PLAG1: variants seen among roughly 807,000 people sequenced by gnomAD.
PLAG1 encodes zinc finger protein PLAG1.
A neutral mutation model predicts 35.5 loss-of-function variants in PLAG1; 7 were observed. That is an observed-to-expected ratio of 0.20 (90% CI 0.11 to 0.37). The LOEUF (loss-of-function observed/expected upper bound fraction) is 0.37, where lower values mean the gene tolerates loss of function less well. Ranked by LOEUF, PLAG1 falls within the 10% of genes least tolerant of loss-of-function variation. The pLI is 1.00. For missense variants in PLAG1, 454 were observed against 602.8 expected, an observed-to-expected ratio of 0.75 and a Z score of 2.58; for synonymous variants, 229 against 225.4, an observed-to-expected ratio of 1.02 and a Z score of -0.14.
At chr8:56,172,747 T>C (rs1811568880) in intron 2 of PLAG1, among the ~76,000 whole-genome samples, 1 of 152,174 alleles carries the variant, frequency 6.6e-6, no homozygotes, top group Non-Finnish European at 1.5e-5. Flanking sequence ...TTCTACTGTT[T>C]TCTATGACAA....
intron 1 of PLAG1, among the ~76,000 whole-genome samples, chr8:56,192,253 T>C (rs558483682): frequency 6.6e-6 from 1 of 152,316 alleles, no homozygotes; most frequent in East Asian, 1.9e-4. Flanking sequence ...TGGGCACTTA[T>C]CTTTTCGCCC....
In PLAG1 at chr8:56,167,750, T is replaced by C. The variant is rs1394922675; in HGVS notation, c.243-247A>G. On this transcript the variant is annotated intron_variant, in intron 4 of 4. Transcript: ENST00000316981. The surrounding 1 kb of genome is among the most constrained non-coding windows in gnomAD (Gnocchi z 5.9). ...ACAAAAGCAAATGAGCAAGACTGAA[T>C]ATACTCACGTAAACGTCCTTACCCT... Among the ~76,000 whole-genome samples the C allele has an allele frequency of 6.6e-6, 1 of 152,248 alleles. No homozygotes were observed. Among genetic ancestry groups the C allele is most frequent in the East Asian group, 1.9e-4 (1 of 5,202 alleles).
chr8:56,185,299 C>T (rs1330599830), intron 1 of PLAG1, among the ~76,000 whole-genome samples: 1 of 152,136 alleles, frequency 6.6e-6, no homozygotes, highest in Non-Finnish European at 1.5e-5. Flanking sequence ...GTGATGGTTT[C>T]AGGGACGTAT....
intron 1 of PLAG1, among the ~76,000 whole-genome samples, chr8:56,192,678 C>T (rs548969308): frequency 1.3e-5 from 2 of 152,322 alleles, no homozygotes; most frequent in East Asian, 3.9e-4. Context: ...GCTATATTCA[C>T]TATATTGGTA....
intron 2 of PLAG1, 77 bp from the exon 3 acceptor site, chr8:56,171,266 A>T (rs1304902181): frequency 4.7e-6 from 1 of 211,672 alleles, no homozygotes; most frequent in Non-Finnish European, 8.2e-6. Flanking sequence ...AGGATAAAAG[A>T]ATTGCAGTTT....
rs527954259 is a variant in PLAG1 at position 56,210,768 on chromosome 8, AGAGGAG to A, written c.-322+347_-322+352del. Among the ~76,000 whole-genome samples the A allele has an allele frequency of 3.0e-3, 446 of 149,410 alleles. 2 individuals are homozygous for A. The highest frequency in any genetic ancestry group is 0.028 in the Middle Eastern group (8 of 282). ...GCTGTCACAATATTCACAGCACCAGAGAGGAGGAGGAGGAGGAGGAGGAGGAAAACT... is the reference window on the plus strand; with the variant it reads ...GCTGTCACAATATTCACAGCACCAGAGAGGAGGAGGAGGAGGAGGAAAACT... On this transcript the variant is annotated intron_variant, in intron 1 of 4. Transcript: ENST00000316981.
In PLAG1 at chr8:56,166,620, C is replaced by G. The variant is rs767203369; in HGVS notation, c.1126G>C (p.Ala376Pro). The change falls in exon 5 of 5, where the codon GCA (alanine) becomes CCA (proline). Residue 376 changes from alanine (A) to proline (P), a missense_variant. This residue lies in a region of PLAG1 where 271 missense variants were observed against 315.6 expected (regional missense o/e 0.86). Coordinates refer to ENST00000316981, the MANE Select transcript of PLAG1 (RefSeq NM_002655.3). Reference protein sequence around the residue: ...GVPSSSQDSQASSSSKLGLDP... With the variant: ...GVPSSSQDSQPSSSSKLGLDP... ...AACCCTAGCTTAGATGATGACGATG[C>G]TTGAGAATCTTGGGATGAAGAGGGC... 1.2e-6 allele frequency: 2 copies of G among 1,614,058 alleles called. No homozygotes were observed. The highest frequency in any genetic ancestry group is 1.7e-6 in the Non-Finnish European group (2 of 1,179,974).
chr8:56,208,961 T>C (rs2129236663), intron 1 of PLAG1, among the ~76,000 whole-genome samples: 1 of 152,322 alleles, frequency 6.6e-6, no homozygotes, highest in East Asian at 1.9e-4. Context: ...ATGTGTAAAC[T>C]TTTCCATGGT....
intron 1 of PLAG1, among the ~76,000 whole-genome samples, chr8:56,187,986 T>C (rs1489336348): frequency 6.6e-6 from 1 of 152,226 alleles, no homozygotes; most frequent in Non-Finnish European, 1.5e-5. Flanking sequence ...AGCAATGGAC[T>C]GACCCCTGTT....
intron 1 of PLAG1, among the ~76,000 whole-genome samples, chr8:56,210,667 C>T (rs1812860015): frequency 6.6e-6 from 1 of 152,074 alleles, no homozygotes; most frequent in South Asian, 2.1e-4. Context: ...AGTTTACTCT[C>T]AAAACTGAAT....
chr8:56,170,059 A>T (rs1269583256), intron 3 of PLAG1, among the ~76,000 whole-genome samples: 1 of 152,230 alleles, frequency 6.6e-6, no homozygotes, highest in Non-Finnish European at 1.5e-5. Flanking sequence ...TCTATGTTAC[A>T]ATAGGTCTAA....
intron 1 of PLAG1, among the ~76,000 whole-genome samples, chr8:56,205,273 T>G (rs1255686014): frequency 6.6e-6 from 1 of 151,852 alleles, no homozygotes; most frequent in Non-Finnish European, 1.5e-5. Flanking sequence ...CTCAGGACAC[T>G]TCACGAAGAC....
intron 1 of PLAG1, among the ~76,000 whole-genome samples, chr8:56,189,728 C>A (rs546330372): frequency 6.6e-6 from 1 of 152,180 alleles, no homozygotes; most frequent in Non-Finnish European, 1.5e-5. Flanking sequence ...GAATTTGGGA[C>A]AAAAGAGCCA....
At chr8:56,201,518 G>A (rs1054386711) in intron 1 of PLAG1, among the ~76,000 whole-genome samples, 5 of 152,016 alleles carry the variant, frequency 3.3e-5, no homozygotes, top group East Asian at 1.9e-4. Context: ...TTTCTAACTC[G>A]AATTACTCTG....
intron 2 of PLAG1, among the ~76,000 whole-genome samples, chr8:56,173,817 C>T (rs553486318): frequency 2.2e-4 from 34 of 152,144 alleles, no homozygotes; most frequent in African/African-American, 7.2e-4. Context: ...GAGAGTATGG[C>T]GTGTTTGTGC....
At chr8:56,186,874 G>A (rs997964189) in intron 1 of PLAG1, among the ~76,000 whole-genome samples, 22 of 151,808 alleles carry the variant, frequency 1.4e-4, no homozygotes, top group Non-Finnish European at 2.5e-4. Context: ...GCTCTACCAC[G>A]CCTGGCTAAT....
Position 56,167,321 on chromosome 8 carries a change from A to C in PLAG1, c.425T>G (p.Leu142Trp). The C allele has an allele frequency of 6.2e-7, 1 of 1,614,066 alleles. No homozygotes were observed. Among genetic ancestry groups the C allele is most frequent in the Non-Finnish European group, 8.5e-7 (1 of 1,179,990 alleles). Residue 142 changes from leucine (L) to tryptophan (W), a missense_variant, in exon 5 of 5, where the codon TTG becomes TGG. Leu to Trp is a moderately conservative substitution (Grantham distance 61, BLOSUM62 -2). Transcript: ENST00000316981. This position sits in a 1 kb window ranked among gnomAD's most constrained non-coding sequence, Gnocchi z 5.9. ...GAGGTCACCACTTGTTGCGGCATGC[A>C]AGGCCAAGTGACGTTTAAATCCAAG... ...TKLGFKRHLA[L>W]HAATSGDLTC...
At chr8:56,193,689 G>A (rs960653894) in intron 1 of PLAG1, among the ~76,000 whole-genome samples, 3 of 150,118 alleles carry the variant, frequency 2.0e-5, no homozygotes, top group African/African-American at 4.9e-5. Flanking sequence ...TCTTTCATTA[G>A]GTAAACTTTT....
intron 3 of PLAG1, among the ~76,000 whole-genome samples, chr8:56,170,438 T>G (rs1016934204): frequency 1.3e-5 from 2 of 152,234 alleles, no homozygotes. Context: ...GTAATGACAC[T>G]ATAAACTGGT....
Sources: gnomAD v4.1 joint callset for allele counts (sites outside exome capture counted in the v4.1 genomes callset) on GRCh38, gnomAD v4.1.1 for gene constraint, gnomAD v4.1.1 regional missense constraint, Gnocchi (gnomAD v3.1) non-coding constraint, MANE v1.5 for transcripts, NCBI Gene and HGNC (gene_info 2026-07-23, HGNC 2026-07-21) for gene names.